Variants in TAF4B observed in about 807,000 individuals in gnomAD.
TAF4B encodes TATA-box binding protein associated factor 4b.
TAF4B carries 38 observed loss-of-function variants against 86.4 expected under a neutral mutation model. The ratio of observed to expected loss-of-function variants is 0.44; its 90% CI spans 0.34 to 0.58. The LOEUF (loss-of-function observed/expected upper bound fraction) is 0.58. Ranked by LOEUF, TAF4B falls within the 20% of genes least tolerant of loss-of-function variation. The pLI is 0.02. For missense variants in TAF4B, 988 were observed against 1,027.6 expected (o/e 0.96, Z 0.53); for synonymous variants, 388 against 391.2 (o/e 0.99, Z 0.10).
At chr18:26,233,371 G>C (rs1240379390) in intron 1 of TAF4B, among the ~76,000 whole-genome samples, 5 of 152,198 alleles carry the variant, frequency 3.3e-5, no homozygotes, top group Admixed American at 6.5e-5. Flanking sequence ...AGGGGGTCCA[G>C]AGGTGAATGG....
chr18:26,301,328 C>G (rs80225065), intron 9 of TAF4B, among the ~76,000 whole-genome samples: 1 of 151,546 alleles, frequency 6.6e-6, no homozygotes, highest in South Asian at 2.1e-4. Context: ...GCTCTGTTGC[C>G]CAGGCTGAAG....
At chr18:26,357,580 A>T (rs1377729635) in intron 13 of TAF4B, 110 bp from the exon 14 acceptor site, 1 of 650,818 alleles carries the variant, frequency 1.5e-6, no homozygotes, top group African/African-American at 1.9e-5. Flanking sequence ...TGTTTATTTT[A>T]TATTGTAACT....
intron 14 of TAF4B, among the ~76,000 whole-genome samples, chr18:26,358,777 T>C (rs1410835974): frequency 1.3e-5 from 2 of 152,190 alleles, no homozygotes; most frequent in Non-Finnish European, 2.9e-5. Context: ...AGGGCTGAGA[T>C]AGAGGTATGC....
intron 14 of TAF4B, among the ~76,000 whole-genome samples, chr18:26,384,886 G>A (rs909459576): frequency 6.6e-6 from 1 of 152,196 alleles, no homozygotes; most frequent in African/African-American, 2.4e-5. Context: ...GCCTATGGAG[G>A]AGACAACGAG....
At chr18:26,352,715 C>T (rs535772365) in intron 13 of TAF4B, among the ~76,000 whole-genome samples, 1 of 152,212 alleles carries the variant, frequency 6.6e-6, no homozygotes, top group East Asian at 1.9e-4. Flanking sequence ...GAGATCGCAT[C>T]ACTGCACTCC....
chr18:26,252,613 C>T (rs932599237), intron 1 of TAF4B, among the ~76,000 whole-genome samples: 1 of 151,856 alleles, frequency 6.6e-6, no homozygotes, highest in Non-Finnish European at 1.5e-5. Flanking sequence ...TTCCTTTGTC[C>T]AGTGTATTGA....
intron 14 of TAF4B, among the ~76,000 whole-genome samples, chr18:26,370,814 G>A (rs1409472790): frequency 6.6e-6 from 1 of 152,180 alleles, no homozygotes; most frequent in East Asian, 1.9e-4. Flanking sequence ...AAGGCTAGGA[G>A]TGGCTTTAAC....
intron 12 of TAF4B, among the ~76,000 whole-genome samples, chr18:26,332,227 C>T (rs925804297): frequency 8.5e-5 from 13 of 152,188 alleles, no homozygotes; most frequent in Non-Finnish European, 1.8e-4. Context: ...GACAACCAGC[C>T]CGGCAGCAAA....
chr18:26,364,192 A>G (rs1316940532), intron 14 of TAF4B, among the ~76,000 whole-genome samples: 1 of 152,166 alleles, frequency 6.6e-6, no homozygotes, highest in African/African-American at 2.4e-5. Flanking sequence ...ATCAGCTGCT[A>G]TCTCCTTATG....
intron 1 of TAF4B, among the ~76,000 whole-genome samples, chr18:26,234,263 C>G (rs1020690770): frequency 7.2e-5 from 11 of 152,212 alleles, no homozygotes; most frequent in African/African-American, 2.7e-4. Context: ...CTGACGGTTT[C>G]CTTCTGCCTT....
At chr18:26,295,988 TTGTGTG>T (rs34047998) in intron 9 of TAF4B, among the ~76,000 whole-genome samples, 2 of 150,006 alleles carry the variant, frequency 1.3e-5, no homozygotes, top group Non-Finnish European at 3.0e-5. Context: ...GTTCACGATT[TTGTGTG>T]TGTGTGTGTG....
At chr18:26,364,516 T>G (rs1050083390) in intron 14 of TAF4B, among the ~76,000 whole-genome samples, 1 of 152,218 alleles carries the variant, frequency 6.6e-6, no homozygotes, top group Non-Finnish European at 1.5e-5. Context: ...CTTTGGAATT[T>G]TAAAACATTA....
At chr18:26,350,941 T>C (rs1033712788) in intron 13 of TAF4B, among the ~76,000 whole-genome samples, 5 of 152,212 alleles carry the variant, frequency 3.3e-5, no homozygotes, top group African/African-American at 1.2e-4. Context: ...TAAACTAGTA[T>C]AGCCACTGTG....
chr18:26,275,905 A>G (rs923329504), intron 5 of TAF4B, among the ~76,000 whole-genome samples: 3 of 151,846 alleles, frequency 2.0e-5, no homozygotes, highest in Non-Finnish European at 4.4e-5. Context: ...AATCCCAGCT[A>G]CTTGGAAGGC....
chr18:26,300,281 G>A (rs113323256), intron 9 of TAF4B, among the ~76,000 whole-genome samples: 172 of 150,016 alleles, frequency 1.1e-3, no homozygotes, highest in African/African-American at 3.9e-3. Context: ...GAGCCACTAT[G>A]CCTGGCTTGT....
intron 1 of TAF4B, among the ~76,000 whole-genome samples, chr18:26,227,732 A>G (rs1475751946): frequency 2.0e-5 from 3 of 152,188 alleles, no homozygotes; most frequent in Non-Finnish European, 4.4e-5. Flanking sequence ...TGGCTCACCG[A>G]CGTCGAACTC....
intron 13 of TAF4B, among the ~76,000 whole-genome samples, chr18:26,356,220 T>TATA (rs2057288060): frequency 6.6e-6 from 1 of 152,116 alleles, no homozygotes; most frequent in African/African-American, 2.4e-5. Flanking sequence ...AAGTCTCTTT[T>TATA]ATAAGGGCAC....
intron 1 of TAF4B, among the ~76,000 whole-genome samples, chr18:26,243,843 G>T (rs779531506): frequency 6.6e-6 from 1 of 152,222 alleles, no homozygotes; most frequent in Non-Finnish European, 1.5e-5. Context: ...GTTTGCAGAA[G>T]GTCCACTCCA....
At chr18:26,341,441 G>GA (rs987493829) in intron 13 of TAF4B, among the ~76,000 whole-genome samples, 2 of 151,080 alleles carry the variant, frequency 1.3e-5, no homozygotes, top group African/African-American at 2.4e-5. Flanking sequence ...GATGACAACT[G>GA]AAAAAAAAAT....
Sources: allele counts gnomAD v4.1 joint callset (sites outside exome capture counted in the v4.1 genomes callset), GRCh38; gene constraint gnomAD v4.1.1; transcripts MANE v1.5; gene names NCBI Gene and HGNC (gene_info 2026-07-23, HGNC 2026-07-21).